EXOC4: variants seen among roughly 807,000 people sequenced by gnomAD.
EXOC4 encodes the protein SEC8-like 1.
A neutral mutation model predicts 107.2 loss-of-function variants in EXOC4; 71 were observed. The ratio of observed to expected loss-of-function variants is 0.66; its 90% CI spans 0.55 to 0.81. The LOEUF (loss-of-function observed/expected upper bound fraction) is 0.81. Ranked by LOEUF, EXOC4 falls within the 30% of genes least tolerant of loss-of-function variation. EXOC4 has a pLI of 0.00. For synonymous variants in EXOC4, 456 were observed against 441.2 expected (o/e 1.03, Z -0.42); for missense variants, 1,108 against 1,189.6 (o/e 0.93, Z 1.01).
At chr7:133,545,063 A>G (rs1235871137) in intron 9 of EXOC4, among the ~76,000 whole-genome samples, 1 of 151,920 alleles carries the variant, frequency 6.6e-6, no homozygotes, top group African/African-American at 2.4e-5. Context: ...GTGAGGGATG[A>G]AAAGGTTACT....
chr7:133,571,926 C>T (rs932483742), intron 9 of EXOC4, among the ~76,000 whole-genome samples: 1 of 152,112 alleles, frequency 6.6e-6, no homozygotes. Flanking sequence ...TAATCACTTC[C>T]GAAAGGCACT....
intron 7 of EXOC4, among the ~76,000 whole-genome samples, chr7:133,407,919 G>A (rs1405958384): frequency 6.6e-6 from 1 of 152,066 alleles, no homozygotes; most frequent in East Asian, 1.9e-4. Context: ...ACTTTTAGAT[G>A]ATAAACCTGT....
chr7:133,614,542 C>A (rs1314227260), intron 9 of EXOC4, among the ~76,000 whole-genome samples: 1 of 151,974 alleles, frequency 6.6e-6, no homozygotes, highest in Non-Finnish European at 1.5e-5. Flanking sequence ...ACCTTTAAGG[C>A]TCATTGCACA....
At position 133,313,156 on chromosome 7, in the gene EXOC4, T is replaced by TC. The variant is rs1554434362; in HGVS notation, c.657-4125dup. Among the ~76,000 whole-genome samples the TC allele has an allele frequency of 1.3e-4, 20 of 151,434 alleles. No individual in the cohort carries two copies. The East Asian group carries it at 2.1e-3, about 16-fold the overall frequency. On this transcript the variant is annotated intron_variant, in intron 4 of 17. Transcript: ENST00000253861. Reference sequence around the variant, plus strand: ...TTTCAGTTCTTGTTTTTTTTTTTTTTCCCTCTTGGCTTAGATTTTAAATTT... The same window carrying TC: ...TTTCAGTTCTTGTTTTTTTTTTTTTTCCCCTCTTGGCTTAGATTTTAAATTT...
intron 9 of EXOC4, among the ~76,000 whole-genome samples, chr7:133,611,039 A>T (rs925638108): frequency 5.3e-5 from 8 of 151,232 alleles, no homozygotes; most frequent in African/African-American, 1.7e-4. Context: ...CCCGGGCTCA[A>T]ATGATCTGCC....
At chr7:133,781,158 CAA>C (rs1796457891) in intron 10 of EXOC4, among the ~76,000 whole-genome samples, 1 of 152,198 alleles carries the variant, frequency 6.6e-6, no homozygotes, top group Non-Finnish European at 1.5e-5. Context: ...TAAAAAGTAT[CAA>C]GAAGCAAAAT....
intron 13 of EXOC4, among the ~76,000 whole-genome samples, chr7:133,926,549 C>T (rs1321084776): frequency 2.5e-4 from 38 of 152,062 alleles, no homozygotes; most frequent in Admixed American, 2.5e-3. Flanking sequence ...GAATATCCAG[C>T]TATACTTGGA....
At chr7:133,355,410 G>A (rs539888458) in intron 5 of EXOC4, among the ~76,000 whole-genome samples, 2 of 152,086 alleles carry the variant, frequency 1.3e-5, no homozygotes, top group Non-Finnish European at 1.5e-5. Flanking sequence ...GATTTGTAAC[G>A]TCCTGTTTTT....
In EXOC4 at chr7:133,460,108, G is replaced by T. The variant is rs143535170; in HGVS notation, c.1183-15220G>T. The stretch of plus-strand genomic sequence containing the variant: ...ATGGAAGAGAGTTTTTCCATGTATG[G>T]AGGGTGGCTGGTGATGGTTTTGGAA... On this transcript the variant is annotated intron_variant, in intron 7 of 17. Coordinates refer to ENST00000253861, the MANE Select transcript of EXOC4 (RefSeq NM_021807.4). Among the ~76,000 whole-genome samples, 5 of 152,306 alleles carry T rather than the reference G, an allele frequency of 3.3e-5. No individual in the cohort carries two copies. In the East Asian group the frequency reaches 9.6e-4, roughly 29 times the overall value.
chr7:133,316,578 C>T (rs561912673), intron 4 of EXOC4, among the ~76,000 whole-genome samples: 87 of 152,134 alleles, frequency 5.7e-4, no homozygotes, highest in African/African-American at 1.9e-3. Context: ...TTATAGTTTT[C>T]ATGATTTAAA....
At chr7:133,886,276 A>G (rs939475875) in intron 11 of EXOC4, among the ~76,000 whole-genome samples, 2 of 152,214 alleles carry the variant, frequency 1.3e-5, no homozygotes, top group African/African-American at 2.4e-5. Context: ...TCTTTGATTC[A>G]GTATTTTCCA....
At chr7:133,736,653 C>A (rs1288923512) in intron 10 of EXOC4, among the ~76,000 whole-genome samples, 1 of 152,180 alleles carries the variant, frequency 6.6e-6, no homozygotes, top group Admixed American at 6.5e-5. Flanking sequence ...TATTTATCCT[C>A]CCACCTTTCT....
chr7:133,804,196 G>T (rs1210650461), intron 10 of EXOC4, among the ~76,000 whole-genome samples: 1 of 152,180 alleles, frequency 6.6e-6, no homozygotes, highest in African/African-American at 2.4e-5. Flanking sequence ...CAGGCAAAGT[G>T]TAGATGTGTG....
At chr7:133,709,214 G>A (rs545604848) in intron 10 of EXOC4, among the ~76,000 whole-genome samples, 2 of 152,326 alleles carry the variant, frequency 1.3e-5, no homozygotes, top group African/African-American at 4.8e-5. Context: ...ACTAGGCTGT[G>A]TCTGCCAAGG....
At position 133,444,818 on chromosome 7, in the gene EXOC4, G is replaced by A. The variant is rs28733485; in HGVS notation, c.1183-30510G>A. 6.2e-3 allele frequency among the ~76,000 whole-genome samples: 951 copies of A among 152,234 alleles called. 13 individuals carry two copies. The highest frequency in any genetic ancestry group is 0.021 in the African/African-American group (891 of 41,548). ...GGTTGGTCGGTGGTGTCAGCTTGTC[G>A]GTGTTCAGGTCAGAGGTCTGGGATG... On this transcript the variant is annotated intron_variant, in intron 7 of 17. Transcript: ENST00000253861.
chr7:133,288,528 T>C (rs1311327580), intron 2 of EXOC4, among the ~76,000 whole-genome samples: 4 of 152,168 alleles, frequency 2.6e-5, no homozygotes, highest in Non-Finnish European at 5.9e-5. Flanking sequence ...AAGTGACCTA[T>C]CAGCTGGATA....
At chr7:133,884,576 A>G (rs1799036369) in intron 11 of EXOC4, among the ~76,000 whole-genome samples, 3 of 132,376 alleles carry the variant, frequency 2.3e-5, no homozygotes, top group South Asian at 5.0e-4. Context: ...TGCTTGCCCT[A>G]TGCTCTGTGT....
chr7:133,847,875 ATTTTTTT>A lies in EXOC4; in HGVS notation c.1734+30351_1734+30357del, dbSNP rs55923568. ...AGGCACCTGCCACCATGCCCAGCTA[ATTTTTTT>A]TTTTTTTTTTTTTTTTTTTGTATTT... is the stretch of plus-strand genomic sequence containing the variant. On this transcript the variant is annotated intron_variant, in intron 11 of 17. Coordinates refer to ENST00000253861, the MANE Select transcript of EXOC4 (RefSeq NM_021807.4). 2.5e-3 allele frequency among the ~76,000 whole-genome samples: 216 copies of A among 85,032 alleles called. 3 individuals are homozygous for A. In the East Asian group the frequency reaches 0.03, roughly 12 times the overall value. The allele number at this position is 85,032 out of a possible 152,430, so 55.8% of individuals were successfully genotyped here. A position where few individuals can be genotyped will look rare whatever the true frequency, so the allele number is the denominator to read the frequency against.
chr7:133,261,874 C>G (rs923467844), intron 1 of EXOC4, among the ~76,000 whole-genome samples: 1 of 152,000 alleles, frequency 6.6e-6, no homozygotes, highest in Non-Finnish European at 1.5e-5. Flanking sequence ...TCCTCTAATC[C>G]TTTCAGGTTG....
Sources: gnomAD v4.1 joint callset for allele counts (sites outside exome capture counted in the v4.1 genomes callset) on GRCh38, gnomAD v4.1.1 for gene constraint, MANE v1.5 for transcripts, NCBI Gene and HGNC (gene_info 2026-07-23, HGNC 2026-07-21) for gene names.